Variants in DMD observed in about 807,000 individuals in gnomAD.
DMD encodes dystrophin, also known as mutant dystrophin.
DMD carries 63 observed loss-of-function variants against 330.1 expected under a neutral mutation model. That is an observed-to-expected ratio of 0.19 (90% CI 0.16 to 0.24). DMD has a LOEUF of 0.24. DMD is among the 10% of genes least tolerant of loss of function. DMD has a pLI of 1.00. For synonymous variants in DMD, 1,223 were observed against 959.8 expected, an observed-to-expected ratio of 1.27 and a Z score of -5.07; for missense variants, 3,344 against 2,684.1, an observed-to-expected ratio of 1.25 and a Z score of -5.43.
chrX:32,430,700 A>C (rs5972565), intron 29 of DMD, among the ~76,000 whole-genome samples: 2,761 of 111,624 alleles, frequency 0.025, 80 homozygotes, highest in African/African-American at 0.083. Flanking sequence ...TTTTACAAAT[A>C]TCTCTCCATT....
At chrX:32,631,355 G>C (rs1011885037) in intron 11 of DMD, among the ~76,000 whole-genome samples, 1 of 111,020 alleles carries the variant, frequency 9.0e-6, no homozygotes, top group Non-Finnish European at 1.9e-5. Flanking sequence ...ATTCACTCAG[G>C]GCCCAAGGAC....
In DMD at chrX:31,840,748, T is replaced by G. The variant is rs138936033; in HGVS notation, c.7099-3929A>C. Among the ~76,000 whole-genome samples the G allele has an allele frequency of 4.6e-4, 51 of 110,575 alleles. No homozygotes were observed. In the East Asian group the frequency reaches 0.014, roughly 31 times the overall value. On this transcript the variant is annotated intron_variant, in intron 48 of 78. Transcript: ENST00000357033. ...GGTAATCAGTAATCTTTGATGTTAC[T>G]ATTTTAATAGTTTCAGGGTGCCACA...
At chrX:32,811,307 C>G (rs1300826824) in intron 6 of DMD, among the ~76,000 whole-genome samples, 1 of 110,866 alleles carries the variant, frequency 9.0e-6, no homozygotes, top group African/African-American at 3.3e-5. Flanking sequence ...CCACTGCACT[C>G]CAGCCTGGGT....
chrX:31,643,606 C>T (rs999645795), intron 54 of DMD, among the ~76,000 whole-genome samples: 7 of 111,510 alleles, frequency 6.3e-5, no homozygotes, highest in African/African-American at 2.3e-4. Flanking sequence ...GAAATATGTG[C>T]TCAAATGATA....
intron 29 of DMD, among the ~76,000 whole-genome samples, chrX:32,412,810 G>A (rs1283792701): frequency 9.0e-6 from 1 of 110,946 alleles, no homozygotes; most frequent in Non-Finnish European, 1.9e-5. Context: ...TTCCCACAGA[G>A]CATGACTGAG....
chrX:32,615,681 G>C (rs1371250526), intron 11 of DMD, among the ~76,000 whole-genome samples: 1 of 111,103 alleles, frequency 9.0e-6, no homozygotes, highest in Non-Finnish European at 1.9e-5. Flanking sequence ...AACACACAAA[G>C]TGCACACATA....
intron 55 of DMD, among the ~76,000 whole-genome samples, chrX:31,508,942 G>A: frequency 9.0e-6 from 1 of 111,580 alleles, no homozygotes; most frequent in Non-Finnish European, 1.9e-5. Flanking sequence ...AAGTAAGGTA[G>A]ACAGACAATG....
Position 32,411,177 on chromosome X carries a change from C to T in DMD, c.4233+575G>A, listed in dbSNP as rs1012835766. ...AGATAGAGTCTCGCTCTGTTCCAGG[C>T]TGGAGTACAGTGGTGCAATCTCGGC... is the stretch of plus-strand genomic sequence containing the variant. On this transcript the variant is annotated intron_variant, in intron 30 of 78. Transcript: ENST00000357033. Among the ~76,000 whole-genome samples the T allele has an allele frequency of 3.6e-5, 4 of 111,741 alleles. No homozygotes were observed. In the East Asian group the frequency reaches 1.1e-3, roughly 31 times the overall value.
intron 1 of DMD, among the ~76,000 whole-genome samples, chrX:33,262,363 C>T (rs1009590752): frequency 2.4e-4 from 27 of 110,281 alleles, no homozygotes; most frequent in Non-Finnish European, 5.7e-5. Context: ...AATAAGAGTT[C>T]CTAAAGAAGA....
At chrX:31,822,805 T>C in intron 49 of DMD, among the ~76,000 whole-genome samples, 1 of 110,227 alleles carries the variant, frequency 9.1e-6, no homozygotes, top group Non-Finnish European at 1.9e-5. Context: ...GAGGTTTCTC[T>C]TCAAATAATC....
At chrX:31,214,942 T>TTCTTTTC (rs1556299366) in intron 64 of DMD, among the ~76,000 whole-genome samples, 2 of 55,726 alleles carry the variant, frequency 3.6e-5, no homozygotes, top group South Asian at 9.4e-4. Context: ...TTTTTCTTTT[T>TTCTTTTC]TTTTTTTTTT....
chrX:32,952,563 G>A (rs1287501919), intron 2 of DMD, among the ~76,000 whole-genome samples: 4 of 111,293 alleles, frequency 3.6e-5, no homozygotes, highest in Non-Finnish European at 5.6e-5. Flanking sequence ...TGGAATATCT[G>A]TCACAACTCA....
At chrX:32,913,953 A>G (rs2087539783) in intron 2 of DMD, among the ~76,000 whole-genome samples, 1 of 111,299 alleles carries the variant, frequency 9.0e-6, no homozygotes, top group African/African-American at 3.3e-5. Flanking sequence ...TACACTCACT[A>G]TTGTTTTCCC....
intron 7 of DMD, among the ~76,000 whole-genome samples, chrX:32,785,027 C>A (rs1156525733): frequency 1.8e-5 from 2 of 109,937 alleles, no homozygotes; most frequent in African/African-American, 6.6e-5. Context: ...AAGCCTGGGG[C>A]ACATAACTTT....
intron 55 of DMD, among the ~76,000 whole-genome samples, chrX:31,591,969 ACCT>A (rs2076894966): frequency 9.1e-6 from 1 of 110,312 alleles, no homozygotes; most frequent in African/African-American, 3.3e-5. Context: ...CTCAAATGCC[ACCT>A]CCTCCTCTAA....
At chrX:32,422,266 A>C (rs766056102) in intron 29 of DMD, among the ~76,000 whole-genome samples, 60 of 111,449 alleles carry the variant, frequency 5.4e-4, no homozygotes, top group African/African-American at 1.9e-3. Context: ...AACCTGAATA[A>C]TCATCAGAAT....
In DMD at chrX:31,196,058, TCAAA is replaced by T. The variant is rs767548053; in HGVS notation, c.9807+7899_9807+7902del. Among the ~76,000 whole-genome samples the T allele has an allele frequency of 5.8e-3, 647 of 112,106 alleles. 5 individuals are homozygous for T. Among genetic ancestry groups the T allele is most frequent in the Non-Finnish European group, 8.9e-3 (472 of 53,217 alleles). On this transcript the variant is annotated intron_variant, in intron 67 of 78. Coordinates refer to ENST00000357033, the MANE Select transcript of DMD (RefSeq NM_004006.3). ...TCCATTACTCCAATAGAGAAGTTAA[TCAAA>T]CAAACCACTTAAACAGATCATCATA...
intron 60 of DMD, among the ~76,000 whole-genome samples, chrX:31,415,810 T>C (rs750912948): frequency 9.0e-6 from 1 of 110,950 alleles, no homozygotes; most frequent in Admixed American, 9.7e-5. Flanking sequence ...ATGCTGATGC[T>C]TGGAGCCCAC....
intron 26 of DMD, among the ~76,000 whole-genome samples, chrX:32,454,153 T>C (rs1446846459): frequency 9.0e-6 from 1 of 111,268 alleles, no homozygotes. Flanking sequence ...TAAGTCAATG[T>C]TATATTTTGT....
Sources: allele counts gnomAD v4.1 joint callset (sites outside exome capture counted in the v4.1 genomes callset), GRCh38; gene constraint gnomAD v4.1.1; transcripts MANE v1.5; gene names NCBI Gene and HGNC (gene_info 2026-07-23, HGNC 2026-07-21).